The following PTPRD variants were observed in gnomAD, a reference collection of about 807,000 sequenced individuals.
PTPRD encodes protein tyrosine phosphatase receptor type D.
A neutral mutation model predicts 214.5 loss-of-function variants in PTPRD; 34 were observed. The ratio of observed to expected loss-of-function variants is 0.16; its 90% CI spans 0.12 to 0.21. The LOEUF (loss-of-function observed/expected upper bound fraction) is 0.21. PTPRD is among the 10% of genes least tolerant of loss of function. The probability of loss-of-function intolerance (pLI) is 1.00; values close to 1 mark genes in which losing one functional copy is unlikely to be tolerated. For synonymous variants in PTPRD, 1,128 were observed against 845.7 expected (o/e 1.33, Z -5.79); for missense variants, 2,545 against 2,398.7 (o/e 1.06, Z -1.27).
At chr9:8,984,183 T>C (rs1471575720) in intron 11 of PTPRD, among the ~76,000 whole-genome samples, 1 of 152,058 alleles carries the variant, frequency 6.6e-6, no homozygotes, top group African/African-American at 2.4e-5. Flanking sequence ...TTGAGTGAGA[T>C]ATTAAATGTA....
At chr9:8,508,255 A>T (rs2097581183) in intron 21 of PTPRD, among the ~76,000 whole-genome samples, 1 of 152,228 alleles carries the variant, frequency 6.6e-6, no homozygotes, top group African/African-American at 2.4e-5. Flanking sequence ...ATCAGCTGTA[A>T]CAAAGAATGG....
chr9:9,627,556 G>A (rs1231375382), intron 7 of PTPRD, among the ~76,000 whole-genome samples: 3 of 152,174 alleles, frequency 2.0e-5, no homozygotes, highest in African/African-American at 4.8e-5. Context: ...TGGGGCTGGA[G>A]GGTGAGGTAA....
At chr9:9,575,089 G>T (rs1335039050) in intron 7 of PTPRD, among the ~76,000 whole-genome samples, 1 of 152,010 alleles carries the variant, frequency 6.6e-6, no homozygotes, top group African/African-American at 2.4e-5. Context: ...AATGTATTTT[G>T]CTAGATAACC....
chr9:8,811,207 C>T (rs953995861), intron 11 of PTPRD, among the ~76,000 whole-genome samples: 1 of 152,126 alleles, frequency 6.6e-6, no homozygotes, highest in East Asian at 1.9e-4. Flanking sequence ...TCATGGACTC[C>T]ATCTCCTTTT....
intron 2 of PTPRD, among the ~76,000 whole-genome samples, chr9:10,591,093 A>T (rs903612828): frequency 2.0e-5 from 3 of 151,818 alleles, no homozygotes; most frequent in African/African-American, 7.3e-5. Flanking sequence ...ATATGGCCCC[A>T]AAGATCCCAG....
intron 6 of PTPRD, among the ~76,000 whole-genome samples, chr9:9,760,418 G>A (rs563094247): frequency 9.9e-5 from 15 of 151,962 alleles, no homozygotes; most frequent in African/African-American, 1.5e-4. Flanking sequence ...GGAGACACAA[G>A]GGCTTGATAT....
chr9:8,562,600 C>T (rs1239383448), intron 14 of PTPRD, among the ~76,000 whole-genome samples: 1 of 151,950 alleles, frequency 6.6e-6, no homozygotes, highest in Non-Finnish European at 1.5e-5. Context: ...CCACGCCTGG[C>T]TAATTTTTAC....
intron 2 of PTPRD, among the ~76,000 whole-genome samples, chr9:10,381,774 G>A (rs1411530628): frequency 3.3e-5 from 5 of 151,872 alleles, no homozygotes; most frequent in African/African-American, 4.8e-5. Flanking sequence ...CACTAGTGTG[G>A]AGGAAAATAA....
intron 2 of PTPRD, among the ~76,000 whole-genome samples, chr9:10,347,264 T>G (rs1408052903): frequency 6.6e-6 from 1 of 152,174 alleles, no homozygotes; most frequent in Non-Finnish European, 1.5e-5. Flanking sequence ...CCATGTATTT[T>G]TCCTCTCAAA....
intron 5 of PTPRD, among the ~76,000 whole-genome samples, chr9:9,786,575 T>C (rs767854648): frequency 2.8e-4 from 42 of 152,154 alleles, no homozygotes; most frequent in Non-Finnish European, 1.3e-4. Context: ...CCCTTGCTGG[T>C]AGAAGCAAGA....
At chr9:10,336,486 A>T (rs2096845664) in intron 3 of PTPRD, among the ~76,000 whole-genome samples, 1 of 151,700 alleles carries the variant, frequency 6.6e-6, no homozygotes, top group South Asian at 2.1e-4. Flanking sequence ...CAAATAAAAA[A>T]TAATATGAAA....
At chr9:8,790,302 C>T (rs541253681) in intron 11 of PTPRD, among the ~76,000 whole-genome samples, 163 of 151,970 alleles carry the variant, frequency 1.1e-3, no homozygotes, top group Non-Finnish European at 2.0e-3. Context: ...AGGTGTGAGC[C>T]GCTGCACTTG....
intron 9 of PTPRD, among the ~76,000 whole-genome samples, chr9:9,258,216 T>C (rs934134730): frequency 1.3e-5 from 2 of 151,892 alleles, no homozygotes; most frequent in African/African-American, 4.8e-5. Context: ...TAGCCAATAC[T>C]ATACAAAGCT....
chr9:9,267,053 G>C lies in PTPRD; in HGVS notation c.-202-83690C>G, dbSNP rs532733566. Among the ~76,000 whole-genome samples the C allele has an allele frequency of 2.0e-5, 3 of 151,310 alleles. No homozygotes were observed. The South Asian group carries it at 6.2e-4, about 31-fold the overall frequency. On this transcript the variant is annotated intron_variant, in intron 9 of 45. Coordinates refer to ENST00000381196, the MANE Select transcript of PTPRD (RefSeq NM_002839.4). ...AAGAACATCAACAAACTTTTAGCTA[G>C]AGTGATGAAGAAATATAAATGAATA...
At chr9:8,612,466 C>T (rs1313505390) in intron 14 of PTPRD, among the ~76,000 whole-genome samples, 1 of 152,106 alleles carries the variant, frequency 6.6e-6, no homozygotes, top group East Asian at 1.9e-4. Flanking sequence ...ATTTGAGAGG[C>T]TGTACAATGG....
rs142529816 is a variant in PTPRD, at chr9:9,693,473, G to C, written c.-287+41060C>G. ...TCCTCCCCCCGCCATGTGCAACTAT[G>C]AGTCATTTAAATGTCTTTTCTTTAT... On this transcript the variant is annotated intron_variant, in intron 7 of 45. Transcript: ENST00000381196. 4.2e-3 allele frequency among the ~76,000 whole-genome samples: 635 copies of C among 152,182 alleles called. 4 individuals are homozygous for C. Among genetic ancestry groups the C allele is most frequent in the African/African-American group, 0.015 (617 of 41,532 alleles).
chr9:8,331,956 CTAAATTT>C (rs1470369727), intron 43 of PTPRD, among the ~76,000 whole-genome samples: 1 of 150,934 alleles, frequency 6.6e-6, no homozygotes, highest in African/African-American at 2.5e-5. Flanking sequence ...TCTTGAAATC[CTAAATTT>C]ATTTACTCTT....
At chr9:8,701,004 T>C (rs2098068105) in intron 12 of PTPRD, 2 of 150,562 alleles carry the variant, frequency 1.3e-5, no homozygotes, top group Admixed American at 6.6e-5. Flanking sequence ...CTATTAAAAA[T>C]ACAAAAATTA....
intron 2 of PTPRD, among the ~76,000 whole-genome samples, chr9:10,602,069 A>G (rs1197153177): frequency 2.0e-5 from 3 of 151,722 alleles, no homozygotes; most frequent in African/African-American, 7.3e-5. Context: ...TTTCTATTTT[A>G]TATATTTTAA....
Sources: allele counts gnomAD v4.1 joint callset (sites outside exome capture counted in the v4.1 genomes callset), GRCh38; gene constraint gnomAD v4.1.1; transcripts MANE v1.5; gene names NCBI Gene and HGNC (gene_info 2026-07-23, HGNC 2026-07-21).